LARP1: variants seen among roughly 807,000 people sequenced by gnomAD.
LARP1 encodes the protein La ribonucleoprotein 1, translational regulator.
Under a neutral mutation model 122.7 loss-of-function variants are expected in LARP1, and 36 were observed. That is an observed-to-expected ratio of 0.29 (90% CI 0.22 to 0.39). The LOEUF is 0.39. Among genes scored for constraint, LARP1 ranks in the 10% least tolerant of loss-of-function variants. The pLI is 1.00. For missense variants in LARP1, 1,040 were observed against 1,403.6 expected (o/e 0.74, Z 4.14); for synonymous variants, 539 against 528.7 (o/e 1.02, Z -0.27).
intron 1 of LARP1, among the ~76,000 whole-genome samples, chr5:154,737,436 CT>C (rs10526758): frequency 1.2e-3 from 112 of 95,318 alleles, no homozygotes; most frequent in African/African-American, 3.3e-3. Flanking sequence ...GAATTTTTCT[CT>C]TTTTTTTTTT....
intron 1 of LARP1, among the ~76,000 whole-genome samples, chr5:154,692,314 A>G (rs545873015): frequency 6.6e-6 from 1 of 152,302 alleles, no homozygotes; most frequent in South Asian, 2.1e-4. Flanking sequence ...GTTGCTGCTT[A>G]TTGCTAAACC....
intron 1 of LARP1, among the ~76,000 whole-genome samples, chr5:154,776,177 T>C (rs1755867286): frequency 1.3e-5 from 2 of 152,110 alleles, no homozygotes; most frequent in Admixed American, 1.3e-4. Context: ...GACAGAGCAT[T>C]GGGTGAGCAA....
chr5:154,815,097 T>G lies in LARP1; in HGVS notation c.*1001T>G, dbSNP rs1456361908. On this transcript the variant is annotated 3_prime_UTR_variant, in exon 19 of 19. Coordinates refer to ENST00000518297, the MANE Select transcript of LARP1 (RefSeq NM_033551.3). ...CCGAAGAGCTCCCACCTTCTCTGGATGTGCCTGGGCTTGGACTGGCTAGAA... is the reference window on the plus strand; with the variant it reads ...CCGAAGAGCTCCCACCTTCTCTGGAGGTGCCTGGGCTTGGACTGGCTAGAA... 6.6e-6 allele frequency: 1 copy of G among 152,638 alleles called. No individual in the cohort carries two copies. Among genetic ancestry groups the G allele is most frequent in the East Asian group, 1.9e-4 (1 of 5,184 alleles). 9.5% of individuals were successfully genotyped at this position (152,638 alleles called of 1,614,324 possible).
At chr5:154,809,248 T>G (rs921860565) in intron 16 of LARP1, among the ~76,000 whole-genome samples, 2 of 151,658 alleles carry the variant, frequency 1.3e-5, no homozygotes, top group African/African-American at 2.4e-5. Context: ...AAGGATCACT[T>G]GAGCCCAGGA....
chr5:154,783,234 G>A (rs1163558815), intron 1 of LARP1, among the ~76,000 whole-genome samples: 1 of 152,224 alleles, frequency 6.6e-6, no homozygotes, highest in Non-Finnish European at 1.5e-5. Context: ...TGGGAGAACT[G>A]AGAGGAACTG....
rs374457540 is a variant in LARP1 at position 154,783,419 on chromosome 5, C to T, written c.437-6906C>T. ...TTGTCCAGCTGTTAGCTTAGGCTTCCCTGCAACAGGCTTTGGTTTTCCCCA... is the reference window on the plus strand; with the variant it reads ...TTGTCCAGCTGTTAGCTTAGGCTTCTCTGCAACAGGCTTTGGTTTTCCCCA... On this transcript the variant is annotated intron_variant, in intron 1 of 18. Coordinates refer to ENST00000518297, the MANE Select transcript of LARP1 (RefSeq NM_033551.3). Among the ~76,000 whole-genome samples, 26 of 152,284 alleles carry T rather than the reference C, an allele frequency of 1.7e-4. No homozygotes were observed. In the East Asian group the frequency reaches 4.4e-3, roughly 26 times the overall value.
At chr5:154,765,189 T>G (rs1000347995) in intron 1 of LARP1, among the ~76,000 whole-genome samples, 1 of 152,088 alleles carries the variant, frequency 6.6e-6, no homozygotes, top group African/African-American at 2.4e-5. Context: ...CTTCACTCAT[T>G]CCCTTCCAGC....
At chr5:154,786,504 T>C (rs1019875304) in intron 1 of LARP1, 2 of 455,874 alleles carry the variant, frequency 4.4e-6, no homozygotes, top group African/African-American at 4.0e-5. Flanking sequence ...TTTGCCTTAG[T>C]TGAGGAAGAA....
chr5:154,715,542 C>G (rs1231564266), intron 1 of LARP1, among the ~76,000 whole-genome samples: 1 of 152,142 alleles, frequency 6.6e-6, no homozygotes, highest in Non-Finnish European at 1.5e-5. Flanking sequence ...CGTGCCCGAC[C>G]AAGCCTGTCT....
chr5:154,712,936 G>T, exon 1 of LARP1: 1 of 1,614,156 alleles, frequency 6.2e-7, no homozygotes, highest in Non-Finnish European at 8.5e-7. Flanking sequence ...ATGCTTTGGA[G>T]GGTGCTTTTG....
At chr5:154,776,006 T>C (rs530054579) in intron 1 of LARP1, among the ~76,000 whole-genome samples, 1 of 152,254 alleles carries the variant, frequency 6.6e-6, no homozygotes, top group African/African-American at 2.4e-5. Flanking sequence ...ATTACTATTA[T>C]TAGTATTTTA....
Position 154,790,552 on chromosome 5 carries a change from T to C in LARP1, c.499-93T>C, listed in dbSNP as rs1423897308. On this transcript the variant is annotated intron_variant, in intron 2 of 18. Coordinates refer to ENST00000518297, the MANE Select transcript of LARP1 (RefSeq NM_033551.3). ...GAATGGTCCTGGTGAACAGACTGAT[T>C]TGGCCTCTGATCTCTTGGTGAAGCT... 11 of 1,411,586 alleles carry C rather than the reference T, an allele frequency of 7.8e-6. No individual in the cohort carries two copies. The East Asian group carries it at 2.1e-4, about 26-fold the overall frequency. 87.4% of individuals were successfully genotyped at this position (1,411,586 alleles called of 1,614,324 possible). A position where few individuals can be genotyped will look rare whatever the true frequency, so the allele number is the denominator to read the frequency against.
intron 1 of LARP1, among the ~76,000 whole-genome samples, chr5:154,782,847 A>G (rs2113728898): frequency 6.6e-6 from 1 of 152,282 alleles, no homozygotes; most frequent in South Asian, 2.1e-4. Context: ...GAGGGCTAAC[A>G]TGGCATTCTC....
At chr5:154,715,893 G>A (rs1188725859) in intron 1 of LARP1, among the ~76,000 whole-genome samples, 2 of 152,134 alleles carry the variant, frequency 1.3e-5, no homozygotes, top group Non-Finnish European at 2.9e-5. Flanking sequence ...TATCCTCACA[G>A]TAGCCCATTT....
rs560017442 is a variant in LARP1, at chr5:154,815,949, A to G, written c.*1853A>G. ...CATTGTCCTGTTGCTTACTTACTGC[A>G]ATGTCTTTGGCCCTCCTTTTCAACT... On this transcript the variant is annotated 3_prime_UTR_variant, in exon 19 of 19. Transcript: ENST00000518297. The G allele has an allele frequency of 6.6e-6, 1 of 152,210 alleles. No individual in the cohort carries two copies. Among genetic ancestry groups the G allele is most frequent in the African/African-American group, 2.4e-5 (1 of 41,432 alleles). The allele number at this position is 152,210 out of a possible 1,614,324, so 9.4% of individuals were successfully genotyped here. A position where few individuals can be genotyped will look rare whatever the true frequency, so the allele number is the denominator to read the frequency against.
intron 1 of LARP1, chr5:154,705,566 G>GT (rs1215690652): frequency 6.6e-6 from 1 of 152,032 alleles, no homozygotes; most frequent in Non-Finnish European, 1.5e-5. Context: ...TAAAGACCAG[G>GT]TTTCACCATG....
chr5:154,732,796 C>T (rs547541837), intron 1 of LARP1, among the ~76,000 whole-genome samples: 102 of 152,290 alleles, frequency 6.7e-4, no homozygotes, highest in African/African-American at 2.3e-3. Flanking sequence ...ATCCTTAAGG[C>T]TCTCAGAGCT....
At chr5:154,797,534 G>C (rs1190388602) in intron 8 of LARP1, among the ~76,000 whole-genome samples, 1 of 151,834 alleles carries the variant, frequency 6.6e-6, no homozygotes, top group Non-Finnish European at 1.5e-5. Context: ...CGCCCGGCCT[G>C]TTCTGGTATT....
intron 1 of LARP1, among the ~76,000 whole-genome samples, chr5:154,683,972 G>T (rs1163209322): frequency 6.6e-6 from 1 of 152,198 alleles, no homozygotes; most frequent in Non-Finnish European, 1.5e-5. Context: ...GTGGATAGAT[G>T]AATGGAACAG....
Sources: allele counts gnomAD v4.1 joint callset (sites outside exome capture counted in the v4.1 genomes callset), GRCh38; gene constraint gnomAD v4.1.1; transcripts MANE v1.5; gene names NCBI Gene and HGNC (gene_info 2026-07-23, HGNC 2026-07-21).